TPST1: variants seen among roughly 807,000 people sequenced by gnomAD.
TPST1 encodes protein-tyrosine sulfotransferase 1.
In TPST1, 20 loss-of-function variants were observed where a neutral mutation model predicts 34.8. The observed-to-expected ratio is 0.57, with a 90% CI of 0.40 to 0.84. The LOEUF is 0.84. Among genes scored for constraint, TPST1 ranks in the 40% least tolerant of loss-of-function variants. The pLI, the probability that TPST1 is intolerant of heterozygous loss-of-function variation, is 0.00. For missense variants in TPST1, 353 were observed against 455.5 expected (o/e 0.78, Z 2.05); for synonymous variants, 152 against 159.4 (o/e 0.95, Z 0.35).
At chr7:66,345,890 G>A (rs1203524595) in intron 3 of TPST1, among the ~76,000 whole-genome samples, 5 of 151,840 alleles carry the variant, frequency 3.3e-5, no homozygotes, top group African/African-American at 7.3e-5. Flanking sequence ...TGTAGTCGCC[G>A]TGTTGTGCTA....
At chr7:66,207,377 T>C (rs1202361035) in intron 1 of TPST1, among the ~76,000 whole-genome samples, 1 of 152,244 alleles carries the variant, frequency 6.6e-6, no homozygotes, top group Non-Finnish European at 1.5e-5. Flanking sequence ...CATTTTTGTC[T>C]GTGCCTGTCT....
intron 2 of TPST1, among the ~76,000 whole-genome samples, chr7:66,248,498 T>G (rs1349522795): frequency 7.1e-6 from 1 of 141,566 alleles, no homozygotes; most frequent in Non-Finnish European, 1.5e-5. Context: ...ATAAAAACAT[T>G]TAGTGTTTTT....
intron 3 of TPST1, among the ~76,000 whole-genome samples, chr7:66,316,721 TA>T (rs1480141977): frequency 6.6e-6 from 1 of 152,234 alleles, no homozygotes; most frequent in Non-Finnish European, 1.5e-5. Flanking sequence ...CTAAATAAAA[TA>T]CAGGATGCTC....
intron 3 of TPST1, among the ~76,000 whole-genome samples, chr7:66,347,393 AT>A (rs1219070954): frequency 6.6e-6 from 1 of 152,016 alleles, no homozygotes; most frequent in Non-Finnish European, 1.5e-5. Context: ...TCTACTACAT[AT>A]GGATATCCAG....
In TPST1 at chr7:66,357,090, G is replaced by T. The variant is rs1252922793; in HGVS notation, c.*29+219G>T. The stretch of plus-strand genomic sequence containing the variant: ...GGATAATATTAACAAGAGCATGGTG[G>T]TGAGAATTAATCATCATCCAAGAGC... On this transcript the variant is annotated intron_variant, in intron 5 of 5. Coordinates refer to ENST00000304842, the MANE Select transcript of TPST1 (RefSeq NM_003596.4). Among the ~76,000 whole-genome samples, 7 of 152,206 alleles carry T rather than the reference G, an allele frequency of 4.6e-5. 1 individual carries two copies. The highest frequency in any genetic ancestry group is 1.7e-4 in the African/African-American group (7 of 41,450).
intron 2 of TPST1, among the ~76,000 whole-genome samples, chr7:66,254,381 TG>T (rs1322794531): frequency 2.1e-4 from 32 of 152,270 alleles, no homozygotes; most frequent in Admixed American, 1.6e-3. Flanking sequence ...TGTAAATATG[TG>T]TATTGTTTTT....
chr7:66,329,032 C>A (rs141845232), intron 3 of TPST1, among the ~76,000 whole-genome samples: 70 of 149,678 alleles, frequency 4.7e-4, no homozygotes, highest in African/African-American at 1.6e-3. Flanking sequence ...CTGCCTCAGC[C>A]TCCCAAGTAG....
rs539327558 is a variant in TPST1, at chr7:66,227,109, C to G, written c.-101-13216C>G. 2.2e-5 allele frequency among the ~76,000 whole-genome samples: 3 copies of G among 135,788 alleles called. No individual in the cohort carries two copies. The South Asian group carries it at 7.0e-4, about 32-fold the overall frequency. The allele number at this position is 135,788 out of a possible 152,430, so 89.1% of individuals were successfully genotyped here. A position where few individuals can be genotyped will look rare whatever the true frequency, so the allele number is the denominator to read the frequency against. On this transcript the variant is annotated intron_variant, in intron 1 of 5. Coordinates refer to ENST00000304842, the MANE Select transcript of TPST1 (RefSeq NM_003596.4). Reference sequence around the variant, plus strand: ...AGTGCAGTGGTGCAGTCTCAACTCACTGCAACCTCCGCCTCCTGGGTTCAA... The same window carrying G: ...AGTGCAGTGGTGCAGTCTCAACTCAGTGCAACCTCCGCCTCCTGGGTTCAA...
intron 2 of TPST1, among the ~76,000 whole-genome samples, chr7:66,245,665 T>C (rs1360638830): frequency 6.6e-6 from 1 of 152,254 alleles, no homozygotes; most frequent in East Asian, 1.9e-4. Flanking sequence ...AAAATTCTTA[T>C]GTCTTATGGG....
intron 3 of TPST1, among the ~76,000 whole-genome samples, chr7:66,292,815 C>T (rs1791111600): frequency 6.6e-6 from 1 of 151,440 alleles, no homozygotes. Context: ...AATCACCCGT[C>T]TTCTGCGTCG....
At chr7:66,325,561 C>T (rs1220789091) in intron 3 of TPST1, among the ~76,000 whole-genome samples, 3 of 151,948 alleles carry the variant, frequency 2.0e-5, no homozygotes, top group Non-Finnish European at 4.4e-5. Context: ...TCAAGTGATT[C>T]TCCCACCTCA....
intron 5 of TPST1, chr7:66,359,570 G>C (rs570850480): frequency 3.6e-6 from 1 of 275,556 alleles, no homozygotes; most frequent in African/African-American, 2.2e-5. Context: ...GCCCCTGACA[G>C]TGCCCCCACA....
intron 4 of TPST1, among the ~76,000 whole-genome samples, chr7:66,354,634 C>CAAAAA: frequency 6.6e-6 from 1 of 151,364 alleles, no homozygotes; most frequent in Non-Finnish European, 1.5e-5. Flanking sequence ...ACTCCTGCTT[C>CAAAAA]ACAACATACC....
intron 2 of TPST1, among the ~76,000 whole-genome samples, chr7:66,276,201 T>A (rs1268924424): frequency 6.6e-6 from 1 of 151,516 alleles, no homozygotes; most frequent in Non-Finnish European, 1.5e-5. Context: ...AAAAAACTTT[T>A]TAAAAATAAT....
intron 3 of TPST1, among the ~76,000 whole-genome samples, chr7:66,309,526 G>T (rs955456054): frequency 2.6e-5 from 4 of 152,112 alleles, no homozygotes; most frequent in Non-Finnish European, 5.9e-5. Context: ...CAGCAGGTTG[G>T]TTCAGGAGTA....
At chr7:66,326,364 T>C (rs1230049148) in intron 3 of TPST1, among the ~76,000 whole-genome samples, 2 of 152,178 alleles carry the variant, frequency 1.3e-5, no homozygotes, top group African/African-American at 4.8e-5. Flanking sequence ...TGTATTCTCA[T>C]GTTTAAAGGA....
chr7:66,296,419 A>C (rs1414632543), intron 3 of TPST1, among the ~76,000 whole-genome samples: 1 of 152,078 alleles, frequency 6.6e-6, no homozygotes, highest in Admixed American at 6.6e-5. Context: ...TTGCAAACTA[A>C]ATCCTGTGTA....
At chr7:66,248,805 G>T (rs1790205577) in intron 2 of TPST1, among the ~76,000 whole-genome samples, 1 of 152,126 alleles carries the variant, frequency 6.6e-6, no homozygotes, top group African/African-American at 2.4e-5. Context: ...GAGCCACCGT[G>T]CCTGGCTCAA....
At chr7:66,339,495 C>G (rs1486997943) in intron 3 of TPST1, among the ~76,000 whole-genome samples, 2 of 152,020 alleles carry the variant, frequency 1.3e-5, no homozygotes, top group African/African-American at 4.8e-5. Context: ...GGATTACTTC[C>G]CAACTCATTC....
Sources: allele counts gnomAD v4.1 joint callset (sites outside exome capture counted in the v4.1 genomes callset), GRCh38; gene constraint gnomAD v4.1.1; transcripts MANE v1.5; gene names NCBI Gene and HGNC (gene_info 2026-07-23, HGNC 2026-07-21).